The following SCAP variants were observed in gnomAD, a reference collection of about 807,000 sequenced individuals.
The protein encoded by SCAP is SREBF chaperone, also known as sterol regulatory element-binding protein cleavage-activating protein.
Under a neutral mutation model 123.6 loss-of-function variants are expected in SCAP, and 65 were observed. The ratio of observed to expected loss-of-function variants is 0.53; its 90% CI spans 0.43 to 0.65. The LOEUF (loss-of-function observed/expected upper bound fraction) is 0.65. Among genes scored for constraint, SCAP ranks in the 30% least tolerant of loss-of-function variants. SCAP has a pLI of 0.00. For synonymous variants in SCAP, 740 were observed against 726.3 expected, an observed-to-expected ratio of 1.02 and a Z score of -0.30; for missense variants, 1,398 against 1,712.5, an observed-to-expected ratio of 0.82 and a Z score of 3.24.
chr3:47,451,340 T>C lies in SCAP; in HGVS notation c.-98-8249A>G, dbSNP rs1478952733. Among the ~76,000 whole-genome samples, 2 of 118,356 alleles carry C rather than the reference T, an allele frequency of 1.7e-5. 1 individual carries two copies. The highest frequency in any genetic ancestry group is 1.9e-4 in the Admixed American group (2 of 10,478). 77.6% of individuals were successfully genotyped at this position (118,356 alleles called of 152,430 possible). ...CCCAATGCTGACTATTTTTCAATTA[T>C]AAAAGTAAAAATATACATGTTTATA... is the stretch of plus-strand genomic sequence containing the variant. On this transcript the variant is annotated intron_variant, in intron 1 of 22. Coordinates refer to ENST00000265565, the MANE Select transcript of SCAP (RefSeq NM_012235.4).
chr3:47,434,281 G>C (rs1706481730), intron 3 of SCAP, among the ~76,000 whole-genome samples: 1 of 152,188 alleles, frequency 6.6e-6, no homozygotes, highest in Admixed American at 6.5e-5. Context: ...AGTCCAGCAC[G>C]AATCCAGGGA....
intron 5 of SCAP, 91 bp downstream of exon 5, chr3:47,427,356 G>T: frequency 6.4e-7 from 1 of 1,553,812 alleles, no homozygotes; most frequent in Non-Finnish European, 8.9e-7. Flanking sequence ...GGGAAACAAA[G>T]GGTAAACCCT....
chr3:47,418,089 G>T, intron 16 of SCAP, 45 bp downstream of exon 16: 1 of 1,437,910 alleles, frequency 7.0e-7, no homozygotes, highest in Admixed American at 2.0e-5. Flanking sequence ...GGTGGGGTGA[G>T]GGGGGTTGTG....
At chr3:47,437,070 C>T (rs936413821) in intron 2 of SCAP, among the ~76,000 whole-genome samples, 4 of 152,242 alleles carry the variant, frequency 2.6e-5, no homozygotes, top group African/African-American at 9.6e-5. Flanking sequence ...TACTAGTCCA[C>T]TAATGAATAA....
chr3:47,436,612 C>G (rs1019505010), intron 2 of SCAP, among the ~76,000 whole-genome samples: 1 of 151,556 alleles, frequency 6.6e-6, no homozygotes, highest in Non-Finnish European at 1.5e-5. Context: ...CTAGGCAACA[C>G]AGTGAGACCC....
At chr3:47,453,564 T>C (rs1001883324) in intron 1 of SCAP, among the ~76,000 whole-genome samples, 18 of 152,178 alleles carry the variant, frequency 1.2e-4, no homozygotes, top group African/African-American at 4.3e-4. Context: ...ATAACTAGTA[T>C]TTATAAACCA....
rs1179860260 is a variant in SCAP, at chr3:47,439,556, T to C, written c.122+3316A>G. On this transcript the variant is annotated intron_variant, in intron 2 of 22. Transcript: ENST00000265565. This position sits in a 1 kb window ranked among gnomAD's most constrained non-coding sequence, Gnocchi z 4.0. ...ATAGGGCAGTCCAACTAACATGGCA[T>C]CTGGGTGCTCTTTTTATCCCATGGC... Among the ~76,000 whole-genome samples the C allele has an allele frequency of 6.6e-6, 1 of 152,210 alleles. No homozygotes were observed. The highest frequency in any genetic ancestry group is 1.5e-5 in the Non-Finnish European group (1 of 68,030).
intron 3 of SCAP, 61 bp from the exon 4 acceptor site, chr3:47,428,731 C>T: frequency 6.4e-7 from 1 of 1,574,402 alleles, no homozygotes. Flanking sequence ...GAAAGACGGT[C>T]CAATTCAAGG....
At chr3:47,414,551 C>T (rs373135135) in intron 21 of SCAP, 21 bp downstream of exon 21, 1 of 1,612,930 alleles carries the variant, frequency 6.2e-7, no homozygotes, top group African/African-American at 1.3e-5. Flanking sequence ...GTACCCCCTA[C>T]CCCACCTGCA....
chr3:47,418,813 G>C lies in SCAP; in HGVS notation c.1971C>G (p.Val657=). Residue 657 remains valine (V), a synonymous_variant, in exon 14 of 23, where the codon GTC becomes GTG. Transcript: ENST00000265565. ...CCTCCCTCGGGTTCAGGCGGAGCGT[G>C]ACTGGGATGACGGGCAGCAGGCTGA... The part of the protein sequence containing the change: ...RYISLLPVIP[V]TLRLNPREAL... 6.5e-7 allele frequency: 1 copy of C among 1,532,750 alleles called. No individual in the cohort carries two copies. The highest frequency in any genetic ancestry group is 8.7e-7 in the Non-Finnish European group (1 of 1,143,582). 94.9% of individuals were successfully genotyped at this position (1,532,750 alleles called of 1,614,324 possible).
intron 1 of SCAP, among the ~76,000 whole-genome samples, chr3:47,470,208 T>C (rs17784714): frequency 0.13 from 19,842 of 152,270 alleles, 1,678 homozygotes; most frequent in Non-Finnish European, 0.2. Flanking sequence ...ACCAGTCTTA[T>C]TGCTGATGCT....
At chr3:47,455,952 G>C (rs1411474517) in intron 1 of SCAP, among the ~76,000 whole-genome samples, 1 of 152,188 alleles carries the variant, frequency 6.6e-6, no homozygotes, top group Non-Finnish European at 1.5e-5. Context: ...TAACAGAACA[G>C]AATGTCCAGG....
At chr3:47,455,022 ATAT>A (rs1707363236) in intron 1 of SCAP, among the ~76,000 whole-genome samples, 1 of 147,552 alleles carries the variant, frequency 6.8e-6, no homozygotes, top group African/African-American at 2.5e-5. Flanking sequence ...TTTGCAAATG[ATAT>A]TATGTACAAA....
intron 3 of SCAP, among the ~76,000 whole-genome samples, chr3:47,432,110 A>AG (rs1386024775): frequency 6.6e-6 from 1 of 152,088 alleles, no homozygotes; most frequent in Non-Finnish European, 1.5e-5. Flanking sequence ...CAAGATCAGG[A>AG]GATCAAGACC....
chr3:47,426,689 G>A (rs950672050), intron 6 of SCAP, among the ~76,000 whole-genome samples: 4 of 152,094 alleles, frequency 2.6e-5, no homozygotes, highest in African/African-American at 9.7e-5. Flanking sequence ...CGCCTGCCTC[G>A]GCCTCCCAAA....
intron 2 of SCAP, among the ~76,000 whole-genome samples, chr3:47,436,586 G>A (rs1212214980): frequency 6.6e-5 from 10 of 151,778 alleles, no homozygotes; most frequent in Non-Finnish European, 1.2e-4. Flanking sequence ...CTGAGATCAT[G>A]CCACTGTACT....
intron 2 of SCAP, among the ~76,000 whole-genome samples, chr3:47,437,424 A>AG (rs1706623768): frequency 6.9e-6 from 1 of 144,652 alleles, no homozygotes; most frequent in Non-Finnish European, 1.5e-5. Context: ...CTCAATCTCA[A>AG]AAAAAAAAAA....
chr3:47,425,243 C>G (rs901731293), intron 8 of SCAP: 6 of 489,878 alleles, frequency 1.2e-5, no homozygotes, highest in Non-Finnish European at 1.4e-5. Flanking sequence ...ACACACCCAG[C>G]CCACAAATAT....
chr3:47,467,447 A>G (rs1707866213), intron 1 of SCAP, among the ~76,000 whole-genome samples: 1 of 151,608 alleles, frequency 6.6e-6, no homozygotes. Context: ...TCCACAAAAA[A>G]TATGAATATA....
Sources: gnomAD v4.1 joint callset for allele counts (sites outside exome capture counted in the v4.1 genomes callset) on GRCh38, gnomAD v4.1.1 for gene constraint, Gnocchi (gnomAD v3.1) non-coding constraint, MANE v1.5 for transcripts, NCBI Gene and HGNC (gene_info 2026-07-23, HGNC 2026-07-21) for gene names.